Variants in SNRPN observed in about 807,000 individuals in gnomAD.
SNRPN encodes small nuclear ribonucleoprotein-associated protein N.
In SNRPN, 7 loss-of-function variants were observed where a neutral mutation model predicts 25.2. The ratio of observed to expected loss-of-function variants is 0.28; its 90% CI spans 0.16 to 0.52. SNRPN has a LOEUF of 0.52. Ranked by LOEUF, SNRPN falls within the 20% of genes least tolerant of loss-of-function variation. The pLI, the probability that SNRPN is intolerant of heterozygous loss-of-function variation, is 0.96. For synonymous variants in SNRPN, 124 were observed against 110.6 expected (o/e 1.12, Z -0.76); for missense variants, 196 against 322.5 (o/e 0.61, Z 3.00).
At chr15:24,879,136 T>C (rs1446482269) in intron 1 of SNRPN, among the ~76,000 whole-genome samples, 2 of 152,160 alleles carry the variant, frequency 1.3e-5, no homozygotes, top group Non-Finnish European at 2.9e-5. Context: ...ACGTATTCTT[T>C]TGAAATTATG....
chr15:24,880,047 T>C lies in SNRPN; in HGVS notation c.-578-6469T>C, dbSNP rs1358097842. On this transcript the variant is annotated intron_variant, in intron 1 of 11. Transcript: ENST00000400097. Reference sequence around the variant, plus strand: ...GTAATTTTCGTTTCCTTATGTCTCCTCTGGCCAATATTTTTCTACTTCTGG... The same window carrying C: ...GTAATTTTCGTTTCCTTATGTCTCCCCTGGCCAATATTTTTCTACTTCTGG... Among the ~76,000 whole-genome samples the C allele has an allele frequency of 2.0e-5, 3 of 152,148 alleles. No homozygotes were observed. The East Asian group carries it at 5.8e-4, about 29-fold the overall frequency.
chr15:24,919,282 T>A (rs1201040556), intron 2 of SNRPN, among the ~76,000 whole-genome samples: 4 of 151,618 alleles, frequency 2.6e-5, no homozygotes, highest in Admixed American at 6.6e-5. Flanking sequence ...ACACAAAAAA[T>A]TAGCCGGGCG....
At chr15:24,891,157 C>T (rs1054933296) in intron 2 of SNRPN, among the ~76,000 whole-genome samples, 5 of 151,968 alleles carry the variant, frequency 3.3e-5, no homozygotes, top group Admixed American at 6.6e-5. Context: ...GTGATCTGCC[C>T]GCCTTCGCCT....
At chr15:24,920,436 A>C (rs903924101) in intron 3 of SNRPN, 1 of 152,194 alleles carries the variant, frequency 6.6e-6, no homozygotes, top group African/African-American at 2.4e-5. Context: ...TGTTAAACAC[A>C]GCGTGCAAGC....
In SNRPN at chr15:24,833,316, C is replaced by T. The variant is rs544532072; in HGVS notation, c.-579+3411C>T. Among the ~76,000 whole-genome samples the T allele has an allele frequency of 2.0e-4, 31 of 151,942 alleles. 1 individual carries two copies. The highest frequency in any genetic ancestry group is 7.0e-4 in the African/African-American group (29 of 41,352). On this transcript the variant is annotated intron_variant, in intron 2 of 12. Coordinates refer to the SNRPN transcript ENST00000400100. ...TTTACCTGATTTTTACTTATAGCACCTGGAATGCTAGTAGTAAAATGTAAG... is the reference window on the plus strand; with the variant it reads ...TTTACCTGATTTTTACTTATAGCACTTGGAATGCTAGTAGTAAAATGTAAG...
intron 2 of SNRPN, chr15:24,966,928 G>GTATGTC (rs1015523247): frequency 1.3e-5 from 2 of 152,122 alleles, no homozygotes; most frequent in African/African-American, 2.4e-5. Flanking sequence ...ATTCATAGGG[G>GTATGTC]TATGTCGAGG....
At chr15:24,880,641 T>C (rs2056487314) in intron 1 of SNRPN, among the ~76,000 whole-genome samples, 1 of 152,210 alleles carries the variant, frequency 6.6e-6, no homozygotes, top group African/African-American at 2.4e-5. Context: ...GGGAGCCTGA[T>C]GAATTTTTTA....
At chr15:24,960,711 C>A (rs541091449) in intron 1 of SNRPN, among the ~76,000 whole-genome samples, 1 of 152,118 alleles carries the variant, frequency 6.6e-6, no homozygotes, top group African/African-American at 2.4e-5. Flanking sequence ...TTTTACCCAT[C>A]GTAGCAATAG....
At chr15:24,884,237 G>A (rs1407038567) in intron 1 of SNRPN, among the ~76,000 whole-genome samples, 1 of 151,908 alleles carries the variant, frequency 6.6e-6, no homozygotes, top group African/African-American at 2.4e-5. Context: ...GAAAGGTTGA[G>A]GTGGGAGGAT....
At chr15:24,951,922 A>G (rs1358721049), upstream of SNRPN, among the ~76,000 whole-genome samples, 3 of 152,156 alleles carry the variant, frequency 2.0e-5, no homozygotes, top group African/African-American at 4.8e-5. Context: ...TGTCCCTTGA[A>G]TCGAAAACTT....
intron 1 of SNRPN, among the ~76,000 whole-genome samples, chr15:24,959,754 T>C (rs960357566): frequency 1.6e-4 from 24 of 152,210 alleles, no homozygotes; most frequent in African/African-American, 5.5e-4. Context: ...TTTGGATATA[T>C]CATATTTTCT....
At chr15:24,878,881 C>A (rs1160047384) in intron 1 of SNRPN, among the ~76,000 whole-genome samples, 1 of 151,814 alleles carries the variant, frequency 6.6e-6, no homozygotes, top group African/African-American at 2.4e-5. Context: ...TATTGTTTAT[C>A]TTTTCCACTA....
intron 1 of SNRPN, among the ~76,000 whole-genome samples, chr15:24,870,399 T>C (rs1595575292): frequency 6.6e-6 from 1 of 152,294 alleles, no homozygotes; most frequent in East Asian, 1.9e-4. Flanking sequence ...TATGTTCATA[T>C]ATAACCTGAT....
chr15:24,917,834 G>A (rs1394649363), intron 2 of SNRPN, among the ~76,000 whole-genome samples: 1 of 152,172 alleles, frequency 6.6e-6, no homozygotes, highest in Non-Finnish European at 1.5e-5. Context: ...AATGTACCCT[G>A]TAAAATAAGA....
At chr15:24,913,220 G>A (rs112130191) in intron 2 of SNRPN, among the ~76,000 whole-genome samples, 2,161 of 152,236 alleles carry the variant, frequency 0.014, 59 homozygotes, top group African/African-American at 0.049. Flanking sequence ...GATTACAGAC[G>A]TGAGCCACTG....
intron 2 of SNRPN, among the ~76,000 whole-genome samples, chr15:24,898,156 C>T (rs1595773434): frequency 6.6e-6 from 1 of 151,744 alleles, no homozygotes; most frequent in East Asian, 1.9e-4. Flanking sequence ...GGGAGAAGCA[C>T]TTGGAAAAAA....
intron 3 of SNRPN, among the ~76,000 whole-genome samples, chr15:24,936,349 G>C (rs947867393): frequency 2.0e-5 from 3 of 152,144 alleles, no homozygotes; most frequent in African/African-American, 4.8e-5. Context: ...CCATGTTCCT[G>C]ATATCTGGTA....
intron 2 of SNRPN, among the ~76,000 whole-genome samples, chr15:24,886,764 G>A (rs1358441548): frequency 6.6e-6 from 1 of 152,180 alleles, no homozygotes; most frequent in Non-Finnish European, 1.5e-5. Context: ...ATGACTTTGA[G>A]CAGAGTTGCA....
chr15:24,975,360 T>C lies in SNRPN; in HGVS notation c.6T>C (p.Thr2=). 3 of 1,613,202 alleles carry C rather than the reference T, an allele frequency of 1.9e-6. No homozygotes were observed. Among genetic ancestry groups the C allele is most frequent in the Non-Finnish European group, 2.5e-6 (3 of 1,179,414 alleles). Residue 2 remains threonine, a splice_region_variant and synonymous_variant, in exon 5 of 10, where the codon ACT becomes ACC. Transcript: ENST00000390687. M[T]VGKSSKMLQH... is the part of the protein sequence containing the mutation. ...GACTCTTGTCTTACTGCTTCTAGAC[T>C]GTTGGCAAGAGTAGCAAGATGCTGC... is the stretch of plus-strand genomic sequence containing the variant.
Sources: allele counts gnomAD v4.1 joint callset (sites outside exome capture counted in the v4.1 genomes callset), GRCh38; gene constraint gnomAD v4.1.1; transcripts MANE v1.5; gene names NCBI Gene and HGNC (gene_info 2026-07-23, HGNC 2026-07-21).